Variants in GM2A observed in about 807,000 individuals in gnomAD.
GM2A encodes ganglioside GM2 activator.
Under a neutral mutation model 12.9 loss-of-function variants are expected in GM2A, and 7 were observed. That is an observed-to-expected ratio of 0.54 (90% CI 0.31 to 1.02). The LOEUF (loss-of-function observed/expected upper bound fraction) is 1.02. Among genes scored for constraint, GM2A ranks in the 50% least tolerant of loss-of-function variants. The probability of loss-of-function intolerance (pLI) is 0.05; values close to 1 mark genes in which losing one functional copy is unlikely to be tolerated. For synonymous variants in GM2A, 101 were observed against 96.0 expected, an observed-to-expected ratio of 1.05 and a Z score of -0.30; for missense variants, 246 against 241.0, an observed-to-expected ratio of 1.02 and a Z score of -0.14.
chr5:151,256,197 A>G (rs543285197), intron 1 of GM2A, among the ~76,000 whole-genome samples: 1 of 151,832 alleles, frequency 6.6e-6, no homozygotes, highest in East Asian at 1.9e-4. Flanking sequence ...TGCTTAATAG[A>G]CTCTATAGTG....
chr5:151,266,191 A>T (rs1582074421), intron 2 of GM2A, among the ~76,000 whole-genome samples: 2 of 152,294 alleles, frequency 1.3e-5, no homozygotes, highest in Admixed American at 6.5e-5. Context: ...GAATTCTAAG[A>T]CTATGGACTG....
intron 1 of GM2A, among the ~76,000 whole-genome samples, chr5:151,258,809 G>A (rs1429132023): frequency 6.6e-6 from 1 of 152,226 alleles, no homozygotes; most frequent in Non-Finnish European, 1.5e-5. Flanking sequence ...CAGCTTGGGG[G>A]TGTGGGACTG....
intron 1 of GM2A, 77 bp downstream of exon 1, chr5:151,253,374 G>A (rs1753626137): frequency 2.0e-6 from 2 of 1,008,016 alleles, no homozygotes; most frequent in Admixed American, 1.7e-5. Context: ...GCTGAGATAT[G>A]GGGGTGGCCA....
In GM2A at chr5:151,269,109, T is replaced by C; in HGVS notation, c.*1658T>C. Reference sequence around the variant, plus strand: ...GAGCAGGGGTCCAAGGAAGAGAGGGTGGCCTCGACATCAAACTGCCTGGAT... The same window carrying C: ...GAGCAGGGGTCCAAGGAAGAGAGGGCGGCCTCGACATCAAACTGCCTGGAT... On this transcript the variant is annotated 3_prime_UTR_variant, in exon 4 of 4. Transcript: ENST00000357164. 1.0e-6 allele frequency: 1 copy of C among 985,408 alleles called. No homozygotes were observed. The highest frequency in any genetic ancestry group is 1.2e-6 in the Non-Finnish European group (1 of 829,964). The allele number at this position is 985,408 out of a possible 1,614,324, so 61.0% of individuals were successfully genotyped here. A position where few individuals can be genotyped will look rare whatever the true frequency, so the allele number is the denominator to read the frequency against.
In GM2A at chr5:151,259,831, T is replaced by G. The variant is rs1201333840; in HGVS notation, c.158T>G (p.Leu53Arg). 1 of 1,613,328 alleles carries G rather than the reference T, an allele frequency of 6.2e-7. No homozygotes were observed. The highest frequency in any genetic ancestry group is 8.5e-7 in the Non-Finnish European group (1 of 1,179,242). Reference protein sequence around the residue: ...KDPAVIRSLTLEPDPIIVPGN... With the variant: ...KDPAVIRSLTREPDPIIVPGN... ...CCTGCGGTGATCAGAAGCCTGACTC[T>G]GGAGCCTGACCCCATCATCGTTCCT... Residue 53 changes from leucine to arginine, a missense_variant, in exon 2 of 4, where the codon CTG (leucine) becomes CGG (arginine). Physicochemically the swap from Leu to Arg is moderately radical, Grantham distance 102. Transcript: ENST00000357164.
chr5:151,267,118 G>C (rs886656961), intron 3 of GM2A, 178 bp from the exon 4 acceptor site: 4 of 888,268 alleles, frequency 4.5e-6, no homozygotes, highest in Non-Finnish European at 7.2e-6. Flanking sequence ...GATCTTCAGG[G>C]CCCTTTATCC....
chr5:151,260,064 C>A (rs1211919956), intron 2 of GM2A, 148 bp downstream of exon 2: 2 of 614,616 alleles, frequency 3.3e-6, no homozygotes, highest in Admixed American at 6.0e-5. Flanking sequence ...GACACTCTTT[C>A]ACAGGTTCAT....
chr5:151,253,214 C>T lies in GM2A; in HGVS notation c.-3C>T. On this transcript the variant is annotated 5_prime_UTR_variant, in exon 1 of 4. Coordinates refer to ENST00000357164, the MANE Select transcript of GM2A (RefSeq NM_000405.5). ...TTAACTCCGCCCTGACCCACCCTTC[C>T]CGATGCAGTCCCTGATGCAGGCTCC... The T allele has an allele frequency of 1.2e-6, 2 of 1,613,366 alleles. No individual in the cohort carries two copies.
At chr5:151,259,355 G>A (rs1255812912) in intron 1 of GM2A, among the ~76,000 whole-genome samples, 1 of 152,178 alleles carries the variant, frequency 6.6e-6, no homozygotes, top group Non-Finnish European at 1.5e-5. Context: ...GGGCTGCAGA[G>A]GTGAATCCTC....
chr5:151,262,192 C>G (rs1484524657), intron 2 of GM2A, among the ~76,000 whole-genome samples: 3 of 152,158 alleles, frequency 2.0e-5, no homozygotes, highest in Non-Finnish European at 4.4e-5. Context: ...TTTCATATAT[C>G]CATTGCAACA....
intron 2 of GM2A, among the ~76,000 whole-genome samples, chr5:151,262,556 G>A (rs1270670871): frequency 6.6e-6 from 1 of 152,178 alleles, no homozygotes; most frequent in East Asian, 1.9e-4. Context: ...ACAAGTCCTG[G>A]ATATGTGGCA....
At chr5:151,253,446 C>T in intron 1 of GM2A, 149 bp downstream of exon 1, 1 of 702,556 alleles carries the variant, frequency 1.4e-6, no homozygotes, top group Non-Finnish European at 2.6e-6. Context: ...TTATGGGATT[C>T]TGGTCTGTAC....
intron 2 of GM2A, among the ~76,000 whole-genome samples, chr5:151,261,129 A>G (rs565317285): frequency 6.6e-6 from 1 of 152,116 alleles, no homozygotes; most frequent in South Asian, 2.1e-4. Flanking sequence ...GGCTTAAGGG[A>G]TCCTCCCACC....
At position 151,259,747 on chromosome 5, in the gene GM2A, G is replaced by A. The variant is rs376211344; in HGVS notation, c.82-8G>A. ...TCTTCTCCTTCCTTGCTGCCTGATT[G>A]TCCCCAGCCATCCCAGCTCAGTAGC... On this transcript the variant is annotated splice_region_variant and splice_polypyrimidine_tract_variant and intron_variant, in intron 1 of 3. Coordinates refer to ENST00000357164, the MANE Select transcript of GM2A (RefSeq NM_000405.5). The A allele has an allele frequency of 6.2e-6, 10 of 1,613,200 alleles. No homozygotes were observed. The highest frequency in any genetic ancestry group is 1.3e-5 in the African/African-American group (1 of 75,000).
chr5:151,261,670 C>T (rs963203904), intron 2 of GM2A, among the ~76,000 whole-genome samples: 5 of 152,020 alleles, frequency 3.3e-5, no homozygotes, highest in African/African-American at 1.2e-4. Flanking sequence ...AACTCCTGAC[C>T]TCAGGCAATG....
At chr5:151,261,808 A>G (rs1038360476) in intron 2 of GM2A, among the ~76,000 whole-genome samples, 5 of 152,220 alleles carry the variant, frequency 3.3e-5, no homozygotes, top group Non-Finnish European at 7.3e-5. Flanking sequence ...TCCTGACCTC[A>G]GGCAATCCAC....
At chr5:151,260,214 A>G (rs1044316896) in intron 2 of GM2A, among the ~76,000 whole-genome samples, 18 of 152,198 alleles carry the variant, frequency 1.2e-4, no homozygotes, top group Non-Finnish European at 2.2e-4. Flanking sequence ...ACTGCTCATT[A>G]TTGTCTGACA....
intron 2 of GM2A, among the ~76,000 whole-genome samples, chr5:151,262,148 T>G (rs1232965756): frequency 1.3e-5 from 2 of 152,236 alleles, no homozygotes; most frequent in Non-Finnish European, 2.9e-5. Context: ...TAGGGGTGTA[T>G]GTTTTTATAT....
intron 1 of GM2A, among the ~76,000 whole-genome samples, chr5:151,256,607 A>G (rs1256151910): frequency 8.4e-6 from 1 of 119,450 alleles, no homozygotes; most frequent in African/African-American, 3.1e-5. Flanking sequence ...CTCTGTCTCA[A>G]GAAAAAAAAA....
Sources: allele counts gnomAD v4.1 joint callset (sites outside exome capture counted in the v4.1 genomes callset), GRCh38; gene constraint gnomAD v4.1.1; transcripts MANE v1.5; gene names NCBI Gene and HGNC (gene_info 2026-07-23, HGNC 2026-07-21).